Variants in PRKCQ observed in about 807,000 individuals in gnomAD.
The protein encoded by PRKCQ is protein kinase C theta.
Under a neutral mutation model 91.2 loss-of-function variants are expected in PRKCQ, and 41 were observed. That is an observed-to-expected ratio of 0.45 (90% CI 0.35 to 0.58). The LOEUF (loss-of-function observed/expected upper bound fraction) is 0.58, where lower values mean the gene tolerates loss of function less well. PRKCQ is among the 20% of genes least tolerant of loss of function. The pLI is 0.00. For missense variants in PRKCQ, 673 were observed against 896.5 expected (o/e 0.75, Z 3.18); for synonymous variants, 307 against 316.9 (o/e 0.97, Z 0.33).
chr10:6,439,650 T>A (rs934991244), intron 16 of PRKCQ, among the ~76,000 whole-genome samples: 1 of 151,814 alleles, frequency 6.6e-6, no homozygotes, highest in African/African-American at 2.4e-5. Context: ...TTCCACTTAA[T>A]GAACAGTAAA....
intron 1 of PRKCQ, among the ~76,000 whole-genome samples, chr10:6,577,620 T>C (rs965928084): frequency 1.3e-5 from 2 of 152,144 alleles, no homozygotes; most frequent in African/African-American, 4.8e-5. Context: ...TCATTTTAAA[T>C]GATTTGAGGC....
At chr10:6,527,588 C>T (rs1047604965) in intron 1 of PRKCQ, among the ~76,000 whole-genome samples, 7 of 152,174 alleles carry the variant, frequency 4.6e-5, no homozygotes, top group African/African-American at 1.7e-4. Flanking sequence ...TCAGGCCCCC[C>T]AAACCAGTTA....
chr10:6,548,266 C>T (rs1050548776), intron 1 of PRKCQ, among the ~76,000 whole-genome samples: 1 of 151,372 alleles, frequency 6.6e-6, no homozygotes, highest in African/African-American at 2.4e-5. Context: ...GAAATAGGAA[C>T]ACTTTTACAC....
chr10:6,477,784 C>T (rs1201701644), intron 12 of PRKCQ, among the ~76,000 whole-genome samples: 4 of 152,238 alleles, frequency 2.6e-5, no homozygotes, highest in Non-Finnish European at 4.4e-5. Context: ...AGGAGAATCA[C>T]TTGAACCCGG....
At chr10:6,429,485 T>G (rs564267032) in intron 17 of PRKCQ, among the ~76,000 whole-genome samples, 1 of 152,262 alleles carries the variant, frequency 6.6e-6, no homozygotes, top group African/African-American at 2.4e-5. Flanking sequence ...GAGATGCACC[T>G]GCTTCTTCTG....
At chr10:6,456,602 C>T in intron 15 of PRKCQ, 72 bp downstream of exon 15, 12 of 1,550,146 alleles carry the variant, frequency 7.7e-6, no homozygotes, top group Non-Finnish European at 1.0e-5. Flanking sequence ...TTCTGATTTT[C>T]AGGGGCTAAA....
chr10:6,579,132 G>A (rs769251651), intron 1 of PRKCQ, among the ~76,000 whole-genome samples: 84 of 152,212 alleles, frequency 5.5e-4, no homozygotes, highest in Non-Finnish European at 1.1e-3. Context: ...CAGAAAGCAT[G>A]GGCGGACTTC....
At chr10:6,461,396 A>C (rs1050586118) in intron 14 of PRKCQ, among the ~76,000 whole-genome samples, 4 of 152,254 alleles carry the variant, frequency 2.6e-5, no homozygotes, top group Admixed American at 2.0e-4. Context: ...AAATTCTGCT[A>C]AGAGTTTTAA....
At chr10:6,564,412 T>A (rs1383216880) in intron 1 of PRKCQ, among the ~76,000 whole-genome samples, 2 of 152,168 alleles carry the variant, frequency 1.3e-5, no homozygotes, top group African/African-American at 4.8e-5. Context: ...CCTTCTGCGA[T>A]GCCACTGTAC....
chr10:6,524,727 T>C (rs1839134913), intron 1 of PRKCQ, among the ~76,000 whole-genome samples: 2 of 152,158 alleles, frequency 1.3e-5, no homozygotes, highest in Non-Finnish European at 1.5e-5. Flanking sequence ...CCAGTACTGA[T>C]GTGAAGAAGG....
chr10:6,498,440 G>A lies in PRKCQ; in HGVS notation c.498C>T (p.Phe166=), dbSNP rs568379112. The change falls in exon 5 of 18, where the codon TTC becomes TTT. Residue 166 remains phenylalanine, a synonymous_variant. Transcript: ENST00000263125. The part of the protein sequence containing the change: ...HVKCHEFTAT[F]FPQPTFCSVC... Reference sequence around the variant, plus strand: ...CAGAGCAAAATGTGGGCTGTGGGAAGAAGGTGGCAGTGAACTCGTGGCACT... The same window carrying A: ...CAGAGCAAAATGTGGGCTGTGGGAAAAAGGTGGCAGTGAACTCGTGGCACT... 1.2e-6 allele frequency: 2 copies of A among 1,614,230 alleles called. No homozygotes were observed. Among genetic ancestry groups the A allele is most frequent in the Admixed American group, 1.7e-5 (1 of 60,032 alleles).
chr10:6,400,692 GT>G, the PRKCQ span, among the ~76,000 whole-genome samples: 1 of 143,408 alleles, frequency 7.0e-6, no homozygotes, highest in East Asian at 2.1e-4. Flanking sequence ...ACATGTAAGT[GT>G]TTTTACTCAT....
rs1033242594 is a variant in PRKCQ at position 6,575,557 on chromosome 10, C to T, written c.-10+4654G>A. ...CATGGCTTCCCTAGTCCCTCAGGTG[C>T]TGTGTGAGTTGTATTTCCTCCATTA... On this transcript the variant is annotated intron_variant, in intron 1 of 17. Transcript: ENST00000263125. 1.2e-4 allele frequency among the ~76,000 whole-genome samples: 19 copies of T among 152,258 alleles called. No individual in the cohort carries two copies. The South Asian group carries it at 2.7e-3, about 22-fold the overall frequency.
the PRKCQ span, among the ~76,000 whole-genome samples, chr10:6,404,703 TTC>T: frequency 6.8e-3 from 1,024 of 150,188 alleles, 14 homozygotes; most frequent in African/African-American, 0.024. Context: ...CTTTCCTTTT[TTC>T]TTTCTTTCTC....
chr10:6,436,546 T>C (rs1412394084), intron 16 of PRKCQ, among the ~76,000 whole-genome samples: 1 of 152,214 alleles, frequency 6.6e-6, no homozygotes, highest in Non-Finnish European at 1.5e-5. Flanking sequence ...CTACCTGTGC[T>C]GCATCCTGAG....
chr10:6,515,222 A>G (rs1469731376), intron 1 of PRKCQ, 78 bp from the exon 2 acceptor site: 2 of 1,595,748 alleles, frequency 1.3e-6, no homozygotes, highest in East Asian at 4.5e-5. Context: ...CTACTTAACC[A>G]GTGCTTTATC....
intron 1 of PRKCQ, among the ~76,000 whole-genome samples, chr10:6,544,868 C>T (rs1839895211): frequency 1.3e-5 from 2 of 152,168 alleles, no homozygotes; most frequent in Non-Finnish European, 2.9e-5. Context: ...GATCCGCCTG[C>T]CTCGGCCTCC....
At chr10:6,401,511 G>GTT in the PRKCQ span, among the ~76,000 whole-genome samples, 1 of 146,512 alleles carries the variant, frequency 6.8e-6, no homozygotes, top group African/African-American at 2.5e-5. Context: ...GAGAGGGCTG[G>GTT]TTTTTTTTTT....
At chr10:6,429,920 A>G (rs957096394) in intron 17 of PRKCQ, among the ~76,000 whole-genome samples, 1 of 152,030 alleles carries the variant, frequency 6.6e-6, no homozygotes, top group Non-Finnish European at 1.5e-5. Context: ...GGGTTTCACT[A>G]TGTTGCCTAG....
Sources: gnomAD v4.1 joint callset for allele counts (sites outside exome capture counted in the v4.1 genomes callset) on GRCh38, gnomAD v4.1.1 for gene constraint, MANE v1.5 for transcripts, NCBI Gene and HGNC (gene_info 2026-07-23, HGNC 2026-07-21) for gene names.